The following ARHGAP40 variants were observed in gnomAD, a reference collection of about 807,000 sequenced individuals.
ARHGAP40 encodes the protein rho GTPase-activating protein 40.
In ARHGAP40, 43 loss-of-function variants were observed where a neutral mutation model predicts 73.5. The observed-to-expected ratio is 0.58, with a 90% CI of 0.46 to 0.75. The LOEUF is 0.75. Among genes scored for constraint, ARHGAP40 ranks in the 30% least tolerant of loss-of-function variants. The pLI is 0.00. For missense variants in ARHGAP40, 734 were observed against 861.8 expected (o/e 0.85, Z 1.86); for synonymous variants, 300 against 352.8 (o/e 0.85, Z 1.68).
chr20:38,648,339 A>T (rs982543364), intron 13 of ARHGAP40, among the ~76,000 whole-genome samples: 6 of 152,174 alleles, frequency 3.9e-5, no homozygotes, highest in African/African-American at 1.4e-4. Flanking sequence ...ATCTGTCACC[A>T]CTCATTCCCT....
chr20:38,641,763 C>A (rs2089019715), exon 10 of ARHGAP40: 2 of 1,295,628 alleles, frequency 1.5e-6, no homozygotes, highest in African/African-American at 3.1e-5. Context: ...AGGTTCTTCA[C>A]CTGCTCATCC....
At chr20:38,611,600 C>T (rs543469722) in intron 1 of ARHGAP40, among the ~76,000 whole-genome samples, 4 of 151,560 alleles carry the variant, frequency 2.6e-5, no homozygotes, top group East Asian at 2.0e-4. Flanking sequence ...TTTTTTCAGA[C>T]GGAGTCTTGC....
intron 9 of ARHGAP40, among the ~76,000 whole-genome samples, chr20:38,640,076 G>T (rs6026978): frequency 0.16 from 20,906 of 133,892 alleles, 2,727 homozygotes; most frequent in African/African-American, 0.37. Flanking sequence ...CAGCGTTTTG[G>T]TTGTTGTTGT....
In ARHGAP40 at chr20:38,643,812, C is replaced by T. The variant is rs756543532; in HGVS notation, c.1471C>T (p.Arg491Trp). Residue 491 changes from arginine to tryptophan, a missense_variant, in exon 11 of 15, where the codon CGG becomes TGG. By Grantham distance (101) the Arg-to-Trp change is moderately radical (BLOSUM62 -3). Transcript: ENST00000373345. ...CCCTAACCTCTTTCTGCACCAAGGGCGGCCCCCCAAGCTCCCCAAAGGCAA... is the reference window on the plus strand; with the variant it reads ...CCCTAACCTCTTTCTGCACCAAGGGTGGCCCCCCAAGCTCCCCAAAGGCAA... The T allele has an allele frequency of 5.4e-6, 7 of 1,305,464 alleles. No homozygotes were observed. Among genetic ancestry groups the T allele is most frequent in the Middle Eastern group, 2.1e-4 (1 of 4,720 alleles). The allele number at this position is 1,305,464 out of a possible 1,614,324, so 80.9% of individuals were successfully genotyped here. A position where few individuals can be genotyped will look rare whatever the true frequency, so the allele number is the denominator to read the frequency against.
intron 6 of ARHGAP40, among the ~76,000 whole-genome samples, chr20:38,635,366 ATAT>A (rs201351502): frequency 0.023 from 3,567 of 152,168 alleles, 131 homozygotes; most frequent in African/African-American, 0.08. Context: ...TTTTCACCTA[ATAT>A]TATATAATTA....
intron 5 of ARHGAP40, among the ~76,000 whole-genome samples, chr20:38,634,089 T>C (rs931221276): frequency 6.6e-6 from 1 of 152,178 alleles, no homozygotes; most frequent in Non-Finnish European, 1.5e-5. Flanking sequence ...CCGTGGCTCA[T>C]GCTTGTAATT....
intron 3 of ARHGAP40, 90 bp downstream of exon 3, chr20:38,627,305 G>GGGCT: frequency 8.6e-7 from 1 of 1,164,648 alleles, no homozygotes; most frequent in Non-Finnish European, 1.1e-6. Context: ...TCCTGCTGAA[G>GGGCT]GGCTGTGTTG....
intron 1 of ARHGAP40, among the ~76,000 whole-genome samples, chr20:38,604,540 C>T (rs143169090): frequency 0.016 from 2,440 of 152,006 alleles, 70 homozygotes; most frequent in African/African-American, 0.055. Flanking sequence ...GGATTACAGG[C>T]GTGCGCCACC....
At chr20:38,604,459 G>A (rs1370252085) in intron 1 of ARHGAP40, among the ~76,000 whole-genome samples, 3 of 147,934 alleles carry the variant, frequency 2.0e-5, no homozygotes, top group South Asian at 2.2e-4. Context: ...ACAATGGCAC[G>A]ATCTCGGCTC....
At chr20:38,604,111 C>G (rs2145590451) in intron 1 of ARHGAP40, among the ~76,000 whole-genome samples, 1 of 152,298 alleles carries the variant, frequency 6.6e-6, no homozygotes, top group Middle Eastern at 3.4e-3. Flanking sequence ...ACCATCTATC[C>G]AACCATGCGT....
chr20:38,641,120 G>A (rs1480595843), intron 9 of ARHGAP40, among the ~76,000 whole-genome samples: 2 of 151,974 alleles, frequency 1.3e-5, no homozygotes, highest in Non-Finnish European at 2.9e-5. Flanking sequence ...AGGTAGGTAG[G>A]TAGGTCATAT....
At chr20:38,647,936 G>A (rs2089064563) in intron 13 of ARHGAP40, among the ~76,000 whole-genome samples, 1 of 152,074 alleles carries the variant, frequency 6.6e-6, no homozygotes, top group Admixed American at 6.5e-5. Flanking sequence ...CACAGTAAAG[G>A]TCCTGCAGCA....
chr20:38,609,428 A>G (rs914799706), intron 1 of ARHGAP40, among the ~76,000 whole-genome samples: 1 of 152,222 alleles, frequency 6.6e-6, no homozygotes, highest in Non-Finnish European at 1.5e-5. Flanking sequence ...CCACACTTTG[A>G]GAACCACTGG....
intron 14 of ARHGAP40, 39 bp downstream of exon 14, chr20:38,648,737 C>G (rs1315079627): frequency 6.2e-6 from 8 of 1,299,942 alleles, no homozygotes; most frequent in Non-Finnish European, 7.1e-6. Context: ...GAGCCCGGGT[C>G]CCTGGGAGTT....
chr20:38,610,145 A>G (rs1044635007), intron 1 of ARHGAP40, among the ~76,000 whole-genome samples: 9 of 152,130 alleles, frequency 5.9e-5, no homozygotes, highest in Non-Finnish European at 8.8e-5. Flanking sequence ...GAGAACCACT[A>G]AAATTATTTG....
chr20:38,627,167 G>A (rs2088903213), exon 3 of ARHGAP40: 1 of 1,305,490 alleles, frequency 7.7e-7, no homozygotes, highest in Non-Finnish European at 1.0e-6. Context: ...GACAACACAA[G>A]ACACCTGTCA....
At chr20:38,611,024 G>A (rs533471088) in intron 1 of ARHGAP40, among the ~76,000 whole-genome samples, 1 of 151,904 alleles carries the variant, frequency 6.6e-6, no homozygotes, top group East Asian at 1.9e-4. Flanking sequence ...CGAGTAGCTG[G>A]GATTACAGGC....
chr20:38,637,824 G>C, intron 7 of ARHGAP40, 25 bp downstream of exon 7: 1 of 1,300,472 alleles, frequency 7.7e-7, no homozygotes, highest in Non-Finnish European at 1.0e-6. Context: ...CCCCAGCTTG[G>C]GTTTATTTAA....
intron 1 of ARHGAP40, among the ~76,000 whole-genome samples, chr20:38,609,765 T>A (rs2088793705): frequency 6.6e-6 from 1 of 152,196 alleles, no homozygotes; most frequent in Admixed American, 6.5e-5. Context: ...AGAGGGAGCC[T>A]GGTGCCTCTG....
Sources: gnomAD v4.1 joint callset for allele counts (sites outside exome capture counted in the v4.1 genomes callset) on GRCh38, gnomAD v4.1.1 for gene constraint, MANE v1.5 for transcripts, NCBI Gene and HGNC (gene_info 2026-07-23, HGNC 2026-07-21) for gene names.